Variants in GNA14 observed in about 807,000 individuals in gnomAD.
The protein encoded by GNA14 is G protein subunit alpha 14.
In GNA14, 50 loss-of-function variants were observed where a neutral mutation model predicts 42.0. The observed-to-expected ratio is 1.19, with a 90% CI of 0.95 to 1.51. The LOEUF (loss-of-function observed/expected upper bound fraction) is 1.51. GNA14 is among the 40% of genes most tolerant of loss of function. GNA14 has a pLI of 0.00. For missense variants in GNA14, 473 were observed against 446.2 expected (o/e 1.06, Z -0.54); for synonymous variants, 173 against 163.1 (o/e 1.06, Z -0.46).
intron 1 of GNA14, among the ~76,000 whole-genome samples, chr9:77,533,173 A>G (rs1457147263): frequency 1.3e-5 from 2 of 152,204 alleles, no homozygotes; most frequent in African/African-American, 2.4e-5. Flanking sequence ...TTAAACTTTC[A>G]GCACCATATA....
chr9:77,647,869 C>A lies in GNA14; in HGVS notation c.-76G>T. 1 of 1,527,958 alleles carries A rather than the reference C, an allele frequency of 6.5e-7. No individual in the cohort carries two copies. Among genetic ancestry groups the A allele is most frequent in the Non-Finnish European group, 8.8e-7 (1 of 1,135,634 alleles). 94.7% of individuals were successfully genotyped at this position (1,527,958 alleles called of 1,614,324 possible). A position where few individuals can be genotyped will look rare whatever the true frequency, so the allele number is the denominator to read the frequency against. ...ATCCTCGGCCCGGCCGCTCACCCGG[C>A]CAGCATGCGACGGGCACAGGGGTGT... On this transcript the variant is annotated 5_prime_UTR_variant, in exon 1 of 7. Transcript: ENST00000341700.
chr9:77,556,793 T>C (rs1277239456), intron 1 of GNA14, among the ~76,000 whole-genome samples: 1 of 152,162 alleles, frequency 6.6e-6, no homozygotes, highest in Non-Finnish European at 1.5e-5. Flanking sequence ...TAACCTAGCA[T>C]GGGGTTAGAG....
intron 1 of GNA14, among the ~76,000 whole-genome samples, chr9:77,553,280 A>C (rs568737954): frequency 5.3e-5 from 8 of 152,256 alleles, no homozygotes; most frequent in African/African-American, 1.9e-4. Context: ...TAAGGGAAGG[A>C]ATGTTTATGG....
At chr9:77,578,726 A>G (rs950616272) in intron 1 of GNA14, among the ~76,000 whole-genome samples, 3 of 152,182 alleles carry the variant, frequency 2.0e-5, no homozygotes, top group African/African-American at 7.2e-5. Context: ...TACTTCCCAT[A>G]TTGTAGTTTG....
intron 1 of GNA14, among the ~76,000 whole-genome samples, chr9:77,581,160 G>C (rs939422662): frequency 1.3e-5 from 2 of 152,168 alleles, no homozygotes; most frequent in African/African-American, 4.8e-5. Flanking sequence ...TACGGGCAGG[G>C]AGATGTGGGA....
intron 1 of GNA14, among the ~76,000 whole-genome samples, chr9:77,563,416 G>T (rs979854302): frequency 1.3e-5 from 2 of 152,144 alleles, no homozygotes; most frequent in African/African-American, 2.4e-5. Context: ...GGAAAACACA[G>T]ATAATGGCTG....
rs114938290 is a variant in GNA14 at position 77,611,278 on chromosome 9, G to T, written c.124+36392C>A. ...TTATTCATTGCATAGAAAGTAACAT[G>T]AGTATCTACATATTTGCATCAGTTC... is the stretch of plus-strand genomic sequence containing the variant. On this transcript the variant is annotated intron_variant, in intron 1 of 6. Transcript: ENST00000341700. Among the ~76,000 whole-genome samples, 378 of 152,306 alleles carry T rather than the reference G, an allele frequency of 2.5e-3. 1 individual carries two copies. Among genetic ancestry groups the T allele is most frequent in the African/African-American group, 8.1e-3 (337 of 41,562 alleles).
intron 2 of GNA14, among the ~76,000 whole-genome samples, chr9:77,489,469 AAAATAATC>A (rs2131734736): frequency 6.6e-6 from 1 of 152,336 alleles, no homozygotes; most frequent in African/African-American, 2.4e-5. Context: ...CCCAAGGCAT[AAAATAATC>A]AAACTTTCAA....
At chr9:77,538,066 CTTTTT>C (rs35946811) in intron 1 of GNA14, among the ~76,000 whole-genome samples, 2 of 138,496 alleles carry the variant, frequency 1.4e-5, no homozygotes, top group Non-Finnish European at 3.0e-5. Context: ...ACAGAAGCTT[CTTTTT>C]TTTTTTTTTC....
At chr9:77,433,231 C>G (rs781166451) in intron 3 of GNA14, among the ~76,000 whole-genome samples, 5 of 152,142 alleles carry the variant, frequency 3.3e-5, no homozygotes, top group Admixed American at 1.3e-4. Flanking sequence ...TTTCTGAGCC[C>G]TCAGAGGATG....
At chr9:77,436,474 T>C (rs1325792240) in intron 2 of GNA14, among the ~76,000 whole-genome samples, 1 of 152,204 alleles carries the variant, frequency 6.6e-6, no homozygotes, top group African/African-American at 2.4e-5. Flanking sequence ...GACACATCAG[T>C]AGCCTCTAAA....
chr9:77,472,788 A>ATCTCTCTCTCTCTCTCTC (rs34429720), intron 2 of GNA14, among the ~76,000 whole-genome samples: 18 of 142,096 alleles, frequency 1.3e-4, no homozygotes, highest in Non-Finnish European at 1.7e-4. Context: ...ACATGACATG[A>ATCTCTCTCTCTCTCTCTC]TCTCTCTCTC....
chr9:77,470,207 T>G (rs1422613652), intron 2 of GNA14, among the ~76,000 whole-genome samples: 1 of 151,734 alleles, frequency 6.6e-6, no homozygotes, highest in African/African-American at 2.4e-5. Flanking sequence ...AGGACTGGGG[T>G]GGAGAGACAG....
rs1254530344 is a variant in GNA14, at chr9:77,538,849, G to C, written c.125-9596C>G. 2.6e-5 allele frequency among the ~76,000 whole-genome samples: 4 copies of C among 152,024 alleles called. 1 individual carries two copies. Reference sequence around the variant, plus strand: ...TTTTGGTGGTCTTTAGGTTTTCCTAGGTATGAAATCATATCTTGTTTATAG... The same window carrying C: ...TTTTGGTGGTCTTTAGGTTTTCCTACGTATGAAATCATATCTTGTTTATAG... On this transcript the variant is annotated intron_variant, in intron 1 of 6. Coordinates refer to ENST00000341700, the MANE Select transcript of GNA14 (RefSeq NM_004297.4).
At chr9:77,501,837 A>C (rs1434204093) in intron 2 of GNA14, among the ~76,000 whole-genome samples, 1 of 150,962 alleles carries the variant, frequency 6.6e-6, no homozygotes, top group South Asian at 2.1e-4. Context: ...CAGCCTCCCG[A>C]GTATTTGGGA....
chr9:77,441,294 T>C (rs980957028), intron 2 of GNA14, among the ~76,000 whole-genome samples: 1 of 152,088 alleles, frequency 6.6e-6, no homozygotes, highest in Non-Finnish European at 1.5e-5. Context: ...TCTCATGAGA[T>C]GTGATGGTTT....
Position 77,534,701 on chromosome 9 carries a change from C to T in GNA14, c.125-5448G>A, listed in dbSNP as rs183013489. On this transcript the variant is annotated intron_variant, in intron 1 of 6. Coordinates refer to ENST00000341700, the MANE Select transcript of GNA14 (RefSeq NM_004297.4). ...CTAAATCATCTATGTGCCCAACAGG[C>T]GGAAGACAGACATGCGCATAACGGA... is the stretch of plus-strand genomic sequence containing the variant. Among the ~76,000 whole-genome samples the T allele has an allele frequency of 1.6e-3, 242 of 152,290 alleles. 1 individual carries two copies. Among genetic ancestry groups the T allele is most frequent in the African/African-American group, 5.3e-3 (222 of 41,556 alleles).
Position 77,648,156 on chromosome 9 carries a change from A to C in GNA14, c.-363T>G, listed in dbSNP as rs2118054564. On this transcript the variant is annotated 5_prime_UTR_variant, in exon 1 of 7. Transcript: ENST00000341700. ...GGAGCCGGACAGCAGTCGGGGGCGCAGACGAGTTGGAACGTCGGTGCTCGG... is the reference window on the plus strand; with the variant it reads ...GGAGCCGGACAGCAGTCGGGGGCGCCGACGAGTTGGAACGTCGGTGCTCGG... 3.1e-6 allele frequency: 1 copy of C among 319,942 alleles called. No homozygotes were observed. The highest frequency in any genetic ancestry group is 5.8e-6 in the Non-Finnish European group (1 of 172,956). 19.8% of individuals were successfully genotyped at this position (319,942 alleles called of 1,614,324 possible).
intron 1 of GNA14, among the ~76,000 whole-genome samples, chr9:77,535,173 TTGG>T (rs1171539356): frequency 6.6e-6 from 1 of 152,256 alleles, no homozygotes; most frequent in Non-Finnish European, 1.5e-5. Flanking sequence ...ATGGCTGACC[TTGG>T]GCAGTAGCTA....
Sources: gnomAD v4.1 joint callset for allele counts (sites outside exome capture counted in the v4.1 genomes callset) on GRCh38, gnomAD v4.1.1 for gene constraint, MANE v1.5 for transcripts, NCBI Gene and HGNC (gene_info 2026-07-23, HGNC 2026-07-21) for gene names.